Variants in PCDH15 observed in about 807,000 individuals in gnomAD.
PCDH15 encodes the protein protocadherin related 15.
PCDH15 carries 129 observed loss-of-function variants against 178.5 expected under a neutral mutation model. The ratio of observed to expected loss-of-function variants is 0.72; its 90% CI spans 0.63 to 0.84. PCDH15 has a LOEUF of 0.84. PCDH15 is among the 40% of genes least tolerant of loss of function. The probability of loss-of-function intolerance (pLI) is 0.00; values close to 1 mark genes in which losing one functional copy is unlikely to be tolerated. For synonymous variants in PCDH15, 800 were observed against 732.0 expected, an observed-to-expected ratio of 1.09 and a Z score of -1.50; for missense variants, 2,230 against 2,099.9, an observed-to-expected ratio of 1.06 and a Z score of -1.21.
chr10:54,936,446 A>G (rs1837909712), intron 2 of PCDH15, among the ~76,000 whole-genome samples: 1 of 151,968 alleles, frequency 6.6e-6, no homozygotes, highest in Non-Finnish European at 1.5e-5. Context: ...AATACTGAGT[A>G]ACTGCCAAAC....
intron 15 of PCDH15, among the ~76,000 whole-genome samples, chr10:54,111,805 T>C (rs972624240): frequency 3.2e-4 from 48 of 152,020 alleles, no homozygotes; most frequent in African/African-American, 1.1e-3. Context: ...TATAATTCCC[T>C]AGTGATTGCC....
At chr10:54,363,900 T>G (rs1250232129) in intron 5 of PCDH15, among the ~76,000 whole-genome samples, 3 of 152,150 alleles carry the variant, frequency 2.0e-5, no homozygotes, top group African/African-American at 7.2e-5. Flanking sequence ...TTGTTGCTGA[T>G]GTATAAAATT....
intron 1 of PCDH15, among the ~76,000 whole-genome samples, chr10:54,716,796 C>T (rs1340265713): frequency 2.0e-5 from 3 of 151,104 alleles, no homozygotes; most frequent in African/African-American, 4.9e-5. Flanking sequence ...GAGCCCGCAT[C>T]ACCAAGTCAA....
chr10:54,805,215 C>T (rs1952760090), upstream of PCDH15, among the ~76,000 whole-genome samples: 1 of 151,544 alleles, frequency 6.6e-6, no homozygotes, highest in South Asian at 2.1e-4. Context: ...AGGGCTGAGT[C>T]CTGGAGTCAA....
chr10:53,979,590 G>T (rs1436112343), intron 21 of PCDH15, among the ~76,000 whole-genome samples: 1 of 152,138 alleles, frequency 6.6e-6, no homozygotes, highest in African/African-American at 2.4e-5. Flanking sequence ...TCTCATATTC[G>T]TCTCTCAAGA....
intron 1 of PCDH15, among the ~76,000 whole-genome samples, chr10:55,308,917 A>T (rs1843502003): frequency 6.6e-6 from 1 of 152,206 alleles, no homozygotes; most frequent in Non-Finnish European, 1.5e-5. Context: ...TTGCAAGGAA[A>T]GCAATATATT....
chr10:54,590,809 A>G (rs2091835849), intron 2 of PCDH15, among the ~76,000 whole-genome samples: 1 of 152,146 alleles, frequency 6.6e-6, no homozygotes, highest in Non-Finnish European at 1.5e-5. Context: ...ATACATTTAC[A>G]TGTGACTTCC....
chr10:54,946,181 C>T (rs1028618111), intron 2 of PCDH15, among the ~76,000 whole-genome samples: 16 of 151,778 alleles, frequency 1.1e-4, no homozygotes, highest in African/African-American at 3.4e-4. Context: ...AGATGAATTT[C>T]AAAAACTGTG....
At chr10:54,600,734 T>G in intron 2 of PCDH15, 1 of 515,632 alleles carries the variant, frequency 1.9e-6, no homozygotes, top group East Asian at 4.8e-5. Flanking sequence ...TCAAAATGCA[T>G]GTGATTGACA....
chr10:55,391,479 A>C (rs928801530), intron 2 of PCDH15, among the ~76,000 whole-genome samples: 1 of 151,460 alleles, frequency 6.6e-6, no homozygotes, highest in Non-Finnish European at 1.5e-5. Context: ...CTAAAGTAGC[A>C]ATTTGCTTCT....
intron 1 of PCDH15, among the ~76,000 whole-genome samples, chr10:54,753,779 C>A (rs1946652872): frequency 6.6e-6 from 1 of 151,932 alleles, no homozygotes; most frequent in Non-Finnish European, 1.5e-5. Flanking sequence ...GAAAGGTGAC[C>A]TCGGCACCAG....
intron 23 of PCDH15, among the ~76,000 whole-genome samples, chr10:53,952,515 G>T (rs1201946055): frequency 1.3e-5 from 2 of 152,156 alleles, no homozygotes; most frequent in Non-Finnish European, 2.9e-5. Flanking sequence ...TGATATTGCT[G>T]ATTGGTCCAT....
At position 55,159,688 on chromosome 10, in the gene PCDH15, A is replaced by C. The variant is rs1333342129; in HGVS notation, c.-80+6888T>G. ...ATTATATATCTTTATAAAGAGATATATTTCTTAAGATATATCTATATTATA... is the reference window on the plus strand; with the variant it reads ...ATTATATATCTTTATAAAGAGATATCTTTCTTAAGATATATCTATATTATA... On this transcript the variant is annotated intron_variant, in intron 2 of 5. Transcript: ENST00000458638. 5.4e-5 allele frequency among the ~76,000 whole-genome samples: 8 copies of C among 147,756 alleles called. No homozygotes were observed. The East Asian group carries it at 1.6e-3, about 29-fold the overall frequency.
intron 25 of PCDH15, chr10:53,906,861 C>T (rs2082718293): frequency 6.6e-6 from 1 of 151,516 alleles, no homozygotes; most frequent in African/African-American, 2.4e-5. Flanking sequence ...GAATCATACC[C>T]TGGGGACACA....
At chr10:54,348,001 A>G (rs1280018445) in intron 5 of PCDH15, among the ~76,000 whole-genome samples, 1 of 151,632 alleles carries the variant, frequency 6.6e-6, no homozygotes, top group Admixed American at 6.6e-5. Flanking sequence ...GGCGCCCACC[A>G]CCACGCCCGG....
chr10:55,167,371 C>T (rs889075483), intron 1 of PCDH15, among the ~76,000 whole-genome samples: 3 of 152,128 alleles, frequency 2.0e-5, no homozygotes, highest in Non-Finnish European at 2.9e-5. Context: ...CCACCTTGGC[C>T]TCCAAAGGTG....
At chr10:55,082,986 C>A (rs546701611) in intron 2 of PCDH15, among the ~76,000 whole-genome samples, 25 of 152,020 alleles carry the variant, frequency 1.6e-4, no homozygotes, top group African/African-American at 6.0e-4. Context: ...GACCTAATAC[C>A]AGTCCTACTC....
At position 55,210,618 on chromosome 10, in the gene PCDH15, C is replaced by CTTTTTTTTTTTTTTTTTTTTTTTTTTTTT. The variant is rs11412877; in HGVS notation, c.-155-43996_-155-43968dup. ...ACGATTTTTTTTTCTTTTTTCTTTT[C>CTTTTTTTTTTTTTTTTTTTTTTTTTTTTT]TTTTTTTTTTTTTTTTTTTTTTTTT... On this transcript the variant is annotated intron_variant, in intron 1 of 5. Coordinates refer to the PCDH15 transcript ENST00000458638. Among the ~76,000 whole-genome samples, 4 of 40,342 alleles carry CTTTTTTTTTTTTTTTTTTTTTTTTTTTTT rather than the reference C, an allele frequency of 9.9e-5. 1 individual carries two copies. Among genetic ancestry groups the CTTTTTTTTTTTTTTTTTTTTTTTTTTTTT allele is most frequent in the Non-Finnish European group, 1.6e-4 (4 of 24,814 alleles). 26.5% of individuals were successfully genotyped at this position (40,342 alleles called of 152,430 possible). A position where few individuals can be genotyped will look rare whatever the true frequency, so the allele number is the denominator to read the frequency against.
chr10:55,009,844 G>T (rs1306156927), intron 2 of PCDH15, among the ~76,000 whole-genome samples: 2 of 152,082 alleles, frequency 1.3e-5, no homozygotes, highest in African/African-American at 2.4e-5. Flanking sequence ...TCAATACTTT[G>T]CTTAATGGTA....
Sources: gnomAD v4.1 joint callset for allele counts (sites outside exome capture counted in the v4.1 genomes callset) on GRCh38, gnomAD v4.1.1 for gene constraint, MANE v1.5 for transcripts, NCBI Gene and HGNC (gene_info 2026-07-23, HGNC 2026-07-21) for gene names.